Variants in DPP10 observed in about 807,000 individuals in gnomAD.
The protein encoded by DPP10 is inactive dipeptidyl peptidase 10.
In DPP10, 33 loss-of-function variants were observed where a neutral mutation model predicts 120.9. That is an observed-to-expected ratio of 0.27 (90% CI 0.21 to 0.37). The LOEUF (loss-of-function observed/expected upper bound fraction) is 0.37, where lower values mean the gene tolerates loss of function less well. Ranked by LOEUF, DPP10 falls within the 10% of genes least tolerant of loss-of-function variation. The pLI, the probability that DPP10 is intolerant of heterozygous loss-of-function variation, is 1.00. For synonymous variants in DPP10, 337 were observed against 326.1 expected (o/e 1.03, Z -0.36); for missense variants, 816 against 942.8 (o/e 0.87, Z 1.76).
At chr2:115,728,057 C>T in intron 8 of DPP10, 121 bp downstream of exon 8, 2 of 1,165,558 alleles carry the variant, frequency 1.7e-6, no homozygotes, top group Non-Finnish European at 2.4e-6. Flanking sequence ...CATTTTCTCT[C>T]AAAATTGCCC....
chr2:114,522,732 G>A (rs1685175771), intron 1 of DPP10, among the ~76,000 whole-genome samples: 1 of 152,112 alleles, frequency 6.6e-6, no homozygotes, highest in Admixed American at 6.5e-5. Context: ...ATAAAGAGAG[G>A]TTTAATAGAC....
chr2:114,462,207 C>T (rs1349148424), intron 1 of DPP10: 17 of 968,358 alleles, frequency 1.8e-5, no homozygotes, highest in South Asian at 4.8e-5. Flanking sequence ...CGACAAGTTG[C>T]GAAGATTTTA....
intron 1 of DPP10, among the ~76,000 whole-genome samples, chr2:114,672,447 T>C (rs1330155922): frequency 2.0e-5 from 3 of 152,200 alleles, no homozygotes; most frequent in African/African-American, 7.2e-5. Flanking sequence ...GAGTGAATAG[T>C]TTGCACTGAT....
intron 3 of DPP10, among the ~76,000 whole-genome samples, chr2:115,433,427 G>T (rs572470082): frequency 1.3e-5 from 2 of 151,852 alleles, no homozygotes; most frequent in African/African-American, 2.4e-5. Flanking sequence ...GTGTGTTTCC[G>T]TGTGTGTAAA....
At chr2:114,728,653 GC>G (rs1244366238) in intron 1 of DPP10, among the ~76,000 whole-genome samples, 1 of 152,074 alleles carries the variant, frequency 6.6e-6, no homozygotes, top group African/African-American at 2.4e-5. Context: ...TTTTCAACCA[GC>G]CTTTGACCCT....
At chr2:115,797,987 A>T (rs1012763020) in intron 19 of DPP10, among the ~76,000 whole-genome samples, 2 of 152,016 alleles carry the variant, frequency 1.3e-5, no homozygotes, top group Middle Eastern at 3.4e-3. Flanking sequence ...ATATGCACAC[A>T]CAGAAACACA....
intron 1 of DPP10, among the ~76,000 whole-genome samples, chr2:114,707,793 A>G (rs1700776360): frequency 6.6e-6 from 1 of 152,154 alleles, no homozygotes; most frequent in Non-Finnish European, 1.5e-5. Flanking sequence ...TAGTGGAGCG[A>G]CAGATTCTAC....
rs146540226 is a variant in DPP10, at chr2:115,450,798, T to C, written c.272-48712T>C. 3.2e-3 allele frequency among the ~76,000 whole-genome samples: 485 copies of C among 152,034 alleles called. 3 individuals are homozygous for C. Among genetic ancestry groups the C allele is most frequent in the African/African-American group, 0.011 (461 of 41,548 alleles). On this transcript the variant is annotated intron_variant, in intron 3 of 25. Coordinates refer to ENST00000410059, the MANE Select transcript of DPP10 (RefSeq NM_020868.6). ...TTGAGCTCTGAAGATGCAATAATTTTTAAGTTATCTACATATATCTCTCTC... is the reference window on the plus strand; with the variant it reads ...TTGAGCTCTGAAGATGCAATAATTTCTAAGTTATCTACATATATCTCTCTC...
At chr2:115,701,819 C>CA (rs1322105872) in intron 7 of DPP10, among the ~76,000 whole-genome samples, 1 of 151,774 alleles carries the variant, frequency 6.6e-6, no homozygotes, top group Non-Finnish European at 1.5e-5. Context: ...ACCTAGATAT[C>CA]AAAAAATATG....
intron 5 of DPP10, among the ~76,000 whole-genome samples, chr2:115,567,314 ATTC>A (rs1331681367): frequency 6.6e-6 from 1 of 152,096 alleles, no homozygotes; most frequent in Non-Finnish European, 1.5e-5. Context: ...TTAAACTCTT[ATTC>A]TTCTTTCCAA....
intron 1 of DPP10, among the ~76,000 whole-genome samples, chr2:114,957,692 C>G (rs1318946623): frequency 6.6e-6 from 1 of 151,978 alleles, no homozygotes; most frequent in Non-Finnish European, 1.5e-5. Context: ...TGGAACAGAC[C>G]TAAGTGTACA....
chr2:114,872,484 C>T (rs934870004), intron 1 of DPP10, among the ~76,000 whole-genome samples: 2 of 152,152 alleles, frequency 1.3e-5, no homozygotes, highest in Admixed American at 1.3e-4. Context: ...ATCACAGACT[C>T]ATATCAAAAC....
At position 115,670,076 on chromosome 2, in the gene DPP10, G is replaced by T. The variant is rs78758892; in HGVS notation, c.442-19611G>T. 8.8e-3 allele frequency among the ~76,000 whole-genome samples: 1,344 copies of T among 152,098 alleles called. 19 individuals are homozygous for T. The highest frequency in any genetic ancestry group is 0.028 in the African/African-American group (1,167 of 41,508). ...GTATCTGGAGAGGGTCTGCCTTTTG[G>T]TTTTCAGATGCAGTCTTCTCATTGG... On this transcript the variant is annotated intron_variant, in intron 5 of 25. Transcript: ENST00000410059.
intron 3 of DPP10, among the ~76,000 whole-genome samples, chr2:115,408,049 C>G (rs2068657381): frequency 6.6e-6 from 1 of 151,904 alleles, no homozygotes; most frequent in South Asian, 2.1e-4. Flanking sequence ...TGAAGCATTC[C>G]TCTTTCTTTC....
chr2:114,899,179 T>C (rs1354694011), intron 1 of DPP10, among the ~76,000 whole-genome samples: 2 of 151,832 alleles, frequency 1.3e-5, no homozygotes, highest in East Asian at 3.9e-4. Context: ...TATATGAATA[T>C]ATATATAAGA....
chr2:114,714,488 A>T (rs193184445), intron 1 of DPP10, among the ~76,000 whole-genome samples: 1 of 152,154 alleles, frequency 6.6e-6, no homozygotes, highest in Non-Finnish European at 1.5e-5. Context: ...AGCAGACAAA[A>T]GAGTGAGTGA....
At chr2:115,446,911 A>C (rs939739221) in intron 3 of DPP10, among the ~76,000 whole-genome samples, 2 of 152,160 alleles carry the variant, frequency 1.3e-5, no homozygotes, top group Non-Finnish European at 2.9e-5. Flanking sequence ...CTTGAAATGC[A>C]CGAGGTTAGA....
At chr2:115,204,245 A>G (rs1371443452) in intron 1 of DPP10, among the ~76,000 whole-genome samples, 1 of 152,164 alleles carries the variant, frequency 6.6e-6, no homozygotes, top group Non-Finnish European at 1.5e-5. Context: ...TTTAGGTGAG[A>G]TATAAAAACA....
intron 3 of DPP10, among the ~76,000 whole-genome samples, chr2:115,383,735 T>C (rs755524796): frequency 2.8e-4 from 42 of 151,960 alleles, no homozygotes; most frequent in Non-Finnish European, 5.1e-4. Flanking sequence ...TAAATATATT[T>C]AATAATTTGA....
Sources: allele counts gnomAD v4.1 joint callset (sites outside exome capture counted in the v4.1 genomes callset), GRCh38; gene constraint gnomAD v4.1.1; transcripts MANE v1.5; gene names NCBI Gene and HGNC (gene_info 2026-07-23, HGNC 2026-07-21).